The following CREB1 variants were observed in gnomAD, a reference collection of about 807,000 sequenced individuals.
CREB1 encodes the protein cAMP responsive element binding protein 1.
Under a neutral mutation model 42.0 loss-of-function variants are expected in CREB1, and 2 were observed. The ratio of observed to expected loss-of-function variants is 0.05; its 90% CI spans 0.02 to 0.15. The LOEUF (loss-of-function observed/expected upper bound fraction) is 0.15, where lower values mean the gene tolerates loss of function less well. Ranked by LOEUF, CREB1 falls within the 10% of genes least tolerant of loss-of-function variation. The pLI is 1.00. For synonymous variants in CREB1, 123 were observed against 139.9 expected (o/e 0.88, Z 0.85); for missense variants, 199 against 388.9 (o/e 0.51, Z 4.11).
intron 7 of CREB1, chr2:207,581,763 T>C (rs922888504): frequency 7.4e-6 from 5 of 680,180 alleles, no homozygotes; most frequent in Middle Eastern, 3.3e-4. Context: ...AACTGAATTA[T>C]ACATTTTATT....
At chr2:207,566,521 G>C (rs1034269695) in intron 3 of CREB1, among the ~76,000 whole-genome samples, 4 of 152,132 alleles carry the variant, frequency 2.6e-5, no homozygotes, top group African/African-American at 9.7e-5. Context: ...AAATGCCACT[G>C]GTTGCTGCTT....
At chr2:207,566,392 G>T (rs2082141787) in intron 3 of CREB1, among the ~76,000 whole-genome samples, 1 of 152,158 alleles carries the variant, frequency 6.6e-6, no homozygotes. Flanking sequence ...ACCGCATAAT[G>T]TGCCCCTAGT....
At position 207,602,492 on chromosome 2, in the gene CREB1, GC is replaced by G. The variant is rs1018916412; in HGVS notation, c.*5436del. Reference sequence around the variant, plus strand: ...ATTCACATTTGACCTAACATTACTTGCCTATAGAAGTATGGCATTTCCAAGC... The same window carrying G: ...ATTCACATTTGACCTAACATTACTTGCTATAGAAGTATGGCATTTCCAAGC... On this transcript the variant is annotated 3_prime_UTR_variant, in exon 8 of 8. Transcript: ENST00000353267. 7 of 204,442 alleles carry G rather than the reference GC, an allele frequency of 3.4e-5. No individual in the cohort carries two copies. Among genetic ancestry groups the G allele is most frequent in the African/African-American group, 1.4e-4 (6 of 43,672 alleles). The allele number at this position is 204,442 out of a possible 1,614,324, so 12.7% of individuals were successfully genotyped here.
intron 3 of CREB1, among the ~76,000 whole-genome samples, chr2:207,561,844 T>C (rs2081969604): frequency 6.6e-6 from 1 of 152,186 alleles, no homozygotes; most frequent in Non-Finnish European, 1.5e-5. Context: ...TGTCAGCCAT[T>C]TTATACTATT....
intron 1 of CREB1, among the ~76,000 whole-genome samples, chr2:207,552,861 C>A (rs1251865244): frequency 6.6e-6 from 1 of 152,100 alleles, no homozygotes; most frequent in African/African-American, 2.4e-5. Context: ...GGTGATCCAC[C>A]CGCCTCGGCC....
rs992145337 is a variant in CREB1 at position 207,577,235 on chromosome 2, A to T, written c.689-270A>T. 121 of 1,099,492 alleles carry T rather than the reference A, an allele frequency of 1.1e-4. 1 individual carries two copies. In the African/African-American group the frequency reaches 1.9e-3, roughly 17 times the overall value. 68.1% of individuals were successfully genotyped at this position (1,099,492 alleles called of 1,614,324 possible). Reference sequence around the variant, plus strand: ...CCTTTTAGACTTAAGGTTGGTAAGCATGTTAACAACAGAATAGAACTGCAT... The same window carrying T: ...CCTTTTAGACTTAAGGTTGGTAAGCTTGTTAACAACAGAATAGAACTGCAT... On this transcript the variant is annotated intron_variant, in intron 6 of 7. Coordinates refer to ENST00000353267, the MANE Select transcript of CREB1 (RefSeq NM_004379.5).
intron 1 of CREB1, among the ~76,000 whole-genome samples, chr2:207,551,349 C>T (rs1229567708): frequency 3.3e-5 from 5 of 152,060 alleles, no homozygotes; most frequent in Admixed American, 6.5e-5. Flanking sequence ...AGATAAATTT[C>T]GTGAGGCTAG....
At chr2:207,577,776 G>C (rs1210483374) in intron 7 of CREB1, 121 bp downstream of exon 7, 1 of 1,181,676 alleles carries the variant, frequency 8.5e-7, no homozygotes, top group South Asian at 1.3e-5. Flanking sequence ...TTTTCCAGCA[G>C]AATTAATGGA....
intron 6 of CREB1, among the ~76,000 whole-genome samples, chr2:207,576,241 C>CTTTTTTTTTTTTTTTTTTTTTTT (rs35735523): frequency 2.2e-4 from 22 of 101,058 alleles, no homozygotes; most frequent in South Asian, 3.4e-4. Context: ...CTTTTTTTGG[C>CTTTTTTTTTTTTTTTTTTTTTTT]TTTTTTTTTT....
At chr2:207,584,349 G>A (rs978964668) in intron 7 of CREB1, among the ~76,000 whole-genome samples, 1 of 151,964 alleles carries the variant, frequency 6.6e-6, no homozygotes, top group African/African-American at 2.4e-5. Context: ...TTGTCCCCCA[G>A]CTCTAGAACT....
At chr2:207,575,188 T>C in intron 5 of CREB1, 84 bp from the exon 6 acceptor site, 1 of 1,358,862 alleles carries the variant, frequency 7.4e-7, no homozygotes, top group South Asian at 1.5e-5. Context: ...TAGATTATTT[T>C]ACAAATTATT....
At chr2:207,552,327 C>G (rs999927821) in intron 1 of CREB1, among the ~76,000 whole-genome samples, 3 of 151,544 alleles carry the variant, frequency 2.0e-5, no homozygotes, top group Admixed American at 6.6e-5. Context: ...TGTTCTATAC[C>G]TTAAATGTCA....
intron 1 of CREB1, among the ~76,000 whole-genome samples, chr2:207,550,896 C>A (rs1043657204): frequency 6.6e-6 from 1 of 152,162 alleles, no homozygotes; most frequent in Non-Finnish European, 1.5e-5. Flanking sequence ...ATCTGACTTA[C>A]GTGTTTTACT....
chr2:207,570,742 C>T lies in CREB1; in HGVS notation c.505+421C>T, dbSNP rs184484393. ...TCTGAAAGTAGCATTTTAATGTCTTCGTATTTAATAATGTTTCAAGTGGGG... is the reference window on the plus strand; with the variant it reads ...TCTGAAAGTAGCATTTTAATGTCTTTGTATTTAATAATGTTTCAAGTGGGG... On this transcript the variant is annotated intron_variant, in intron 5 of 7. Transcript: ENST00000353267. Among the ~76,000 whole-genome samples the T allele has an allele frequency of 2.9e-3, 434 of 152,116 alleles. 4 individuals are homozygous for T. The highest frequency in any genetic ancestry group is 2.1e-3 in the East Asian group (11 of 5,188).
At chr2:207,564,887 A>G (rs2082084023) in intron 3 of CREB1, among the ~76,000 whole-genome samples, 1 of 152,218 alleles carries the variant, frequency 6.6e-6, no homozygotes, top group African/African-American at 2.4e-5. Context: ...AGATGAGAAT[A>G]AAAGGAAGGG....
At chr2:207,576,315 T>C (rs2082599394) in intron 6 of CREB1, among the ~76,000 whole-genome samples, 1 of 151,366 alleles carries the variant, frequency 6.6e-6, no homozygotes, top group Non-Finnish European at 1.5e-5. Context: ...TAACCATTTT[T>C]CTTTGGATTT....
intron 4 of CREB1, 116 bp from the exon 5 acceptor site, chr2:207,570,059 AAAAC>A: frequency 1.5e-6 from 1 of 669,184 alleles, no homozygotes; most frequent in Non-Finnish European, 2.3e-6. Flanking sequence ...AAAAAAAAAA[AAAAC>A]CTTCTGTCCT....
intron 4 of CREB1, among the ~76,000 whole-genome samples, chr2:207,569,485 A>G (rs1479678789): frequency 6.6e-6 from 1 of 152,090 alleles, no homozygotes; most frequent in Non-Finnish European, 1.5e-5. Flanking sequence ...CTGAGAAGTG[A>G]GAATTTAAAA....
At chr2:207,534,172 T>A (rs2080769933) in intron 1 of CREB1, among the ~76,000 whole-genome samples, 1 of 152,234 alleles carries the variant, frequency 6.6e-6, no homozygotes, top group Non-Finnish European at 1.5e-5. Flanking sequence ...TATAAAGTAA[T>A]ACATACTAAG....
Sources: gnomAD v4.1 joint callset for allele counts (sites outside exome capture counted in the v4.1 genomes callset) on GRCh38, gnomAD v4.1.1 for gene constraint, MANE v1.5 for transcripts, NCBI Gene and HGNC (gene_info 2026-07-23, HGNC 2026-07-21) for gene names.